MSI2: variants seen among roughly 807,000 people sequenced by gnomAD.
The protein encoded by MSI2 is RNA-binding protein Musashi homolog 2.
A neutral mutation model predicts 45.6 loss-of-function variants in MSI2; 17 were observed. The ratio of observed to expected loss-of-function variants is 0.37; its 90% CI spans 0.26 to 0.56. The LOEUF (loss-of-function observed/expected upper bound fraction) is 0.56, where lower values mean the gene tolerates loss of function less well. Ranked by LOEUF, MSI2 falls within the 20% of genes least tolerant of loss-of-function variation. The pLI, the probability that MSI2 is intolerant of heterozygous loss-of-function variation, is 0.77. For synonymous variants in MSI2, 156 were observed against 158.2 expected (o/e 0.99, Z 0.11); for missense variants, 293 against 444.2 (o/e 0.66, Z 3.06).
intron 6 of MSI2, among the ~76,000 whole-genome samples, chr17:57,523,836 ACTGT>A (rs1430664750): frequency 6.6e-5 from 10 of 152,020 alleles, no homozygotes; most frequent in African/African-American, 1.9e-4. Flanking sequence ...ATTATTTTAG[ACTGT>A]CTATCTTCTG....
chr17:57,578,197 C>A (rs750848344), intron 7 of MSI2, among the ~76,000 whole-genome samples: 8 of 151,656 alleles, frequency 5.3e-5, no homozygotes, highest in Non-Finnish European at 1.0e-4. Flanking sequence ...TGAGTTGATT[C>A]TCTGCTGGTG....
chr17:57,365,231 T>C (rs1917108279), intron 5 of MSI2, among the ~76,000 whole-genome samples: 1 of 152,220 alleles, frequency 6.6e-6, no homozygotes, highest in African/African-American at 2.4e-5. Context: ...TGAGGCACAA[T>C]GGTTTTTTAT....
rs549681770 is a variant in MSI2 at position 57,612,454 on chromosome 17, G to C, written c.538-3516G>C. ...GAGGCCTTCAGGGCAGGCAGGCCAG[G>C]TTCCCTGCTGTTAACTGTTACCTGC... On this transcript the variant is annotated intron_variant, in intron 8 of 13. Transcript: ENST00000284073. 1.4e-4 allele frequency among the ~76,000 whole-genome samples: 14 copies of C among 98,106 alleles called. 3 individuals are homozygous for C. Among genetic ancestry groups the C allele is most frequent in the African/African-American group, 4.4e-4 (14 of 31,612 alleles). 64.4% of individuals were successfully genotyped at this position (98,106 alleles called of 152,430 possible).
At chr17:57,293,592 T>TTTG (rs957549923) in intron 5 of MSI2, among the ~76,000 whole-genome samples, 10 of 57,016 alleles carry the variant, frequency 1.8e-4, no homozygotes, top group Non-Finnish European at 3.8e-4. Flanking sequence ...TTATTGTTTT[T>TTTG]TTGTTTTTTT....
chr17:57,521,037 C>T (rs1687910149), intron 6 of MSI2, among the ~76,000 whole-genome samples: 1 of 152,160 alleles, frequency 6.6e-6, no homozygotes, highest in African/African-American at 2.4e-5. Flanking sequence ...TTAAAATAAA[C>T]AGGCTTTCAG....
At chr17:57,261,469 C>T (rs1907303433) in intron 4 of MSI2, among the ~76,000 whole-genome samples, 2 of 151,904 alleles carry the variant, frequency 1.3e-5, no homozygotes, top group African/African-American at 2.4e-5. Context: ...GGATTTAGCT[C>T]ACATGCTTCA....
At chr17:57,371,431 C>T (rs887868736) in intron 5 of MSI2, among the ~76,000 whole-genome samples, 2 of 151,986 alleles carry the variant, frequency 1.3e-5, no homozygotes, top group Non-Finnish European at 2.9e-5. Context: ...GTAAAAATCC[C>T]CCCAACGCCA....
At chr17:57,628,729 C>G (rs1909049684) in intron 10 of MSI2, 1 of 152,678 alleles carries the variant, frequency 6.5e-6, no homozygotes, top group Non-Finnish European at 1.5e-5. Flanking sequence ...ACCAGTGTCC[C>G]CTGGGGCTGG....
intron 10 of MSI2, among the ~76,000 whole-genome samples, chr17:57,648,259 C>G (rs1336183010): frequency 6.6e-6 from 1 of 151,944 alleles, no homozygotes; most frequent in Non-Finnish European, 1.5e-5. Flanking sequence ...CCACCTTGGC[C>G]TCCCAAAGTG....
Position 57,407,894 on chromosome 17 carries a change from A to T in MSI2, c.405+6423A>T, listed in dbSNP as rs928834969. On this transcript the variant is annotated intron_variant, in intron 6 of 13. Coordinates refer to ENST00000284073, the MANE Select transcript of MSI2 (RefSeq NM_138962.4). The surrounding 1 kb of genome is among the most constrained non-coding windows in gnomAD (Gnocchi z 4.1). ...TGGAAGTGTGTCATAAGGGGAGGGG[A>T]CTTTATTTGCCCCCTGACCCCTGGC... Among the ~76,000 whole-genome samples the T allele has an allele frequency of 6.6e-6, 1 of 152,014 alleles. No homozygotes were observed. Among genetic ancestry groups the T allele is most frequent in the African/African-American group, 2.4e-5 (1 of 41,386 alleles).
In MSI2 at chr17:57,675,203, A is replaced by C. The variant is rs1913139096; in HGVS notation, c.945+77A>C. 7.6e-6 allele frequency: 11 copies of C among 1,437,994 alleles called. No individual in the cohort carries two copies. The South Asian group carries it at 1.3e-4, about 17-fold the overall frequency. 89.1% of individuals were successfully genotyped at this position (1,437,994 alleles called of 1,614,324 possible). A position where few individuals can be genotyped will look rare whatever the true frequency, so the allele number is the denominator to read the frequency against. On this transcript the variant is annotated intron_variant, in intron 12 of 13. Transcript: ENST00000284073. ...CTTGTGGCCTGTGGGTGTGCCAGGA[A>C]AGCCCAACATCGGGGGCAGAGGAGA...
intron 7 of MSI2, among the ~76,000 whole-genome samples, chr17:57,585,889 C>T (rs2088333095): frequency 6.6e-6 from 1 of 152,270 alleles, no homozygotes; most frequent in Admixed American, 6.5e-5. Flanking sequence ...GCTCCAGCTG[C>T]GCACACGACC....
intron 11 of MSI2, among the ~76,000 whole-genome samples, chr17:57,670,920 C>T (rs1015838146): frequency 6.6e-6 from 1 of 152,164 alleles, no homozygotes; most frequent in African/African-American, 2.4e-5. Context: ...ATAAGGAAAG[C>T]ATCACTCACT....
At chr17:57,544,694 A>G (rs2087125190) in intron 7 of MSI2, among the ~76,000 whole-genome samples, 1 of 152,198 alleles carries the variant, frequency 6.6e-6, no homozygotes, top group Admixed American at 6.5e-5. Flanking sequence ...GACAATATAT[A>G]TGCCTTCTAA....
At chr17:57,700,137 G>T in the MSI2 span, among the ~76,000 whole-genome samples, 6 of 152,202 alleles carry the variant, frequency 3.9e-5, no homozygotes, top group Non-Finnish European at 7.3e-5. Context: ...CATTTGGCTG[G>T]ATGGGACTCT....
intron 7 of MSI2, among the ~76,000 whole-genome samples, chr17:57,580,915 C>A (rs1019527933): frequency 6.1e-5 from 9 of 146,362 alleles, no homozygotes; most frequent in African/African-American, 1.8e-4. Flanking sequence ...GGTATAAAAT[C>A]TTTATATAAA....
chr17:57,688,801 G>A (rs1289872800), downstream of MSI2, among the ~76,000 whole-genome samples: 1 of 152,146 alleles, frequency 6.6e-6, no homozygotes, highest in Non-Finnish European at 1.5e-5. Context: ...AGACAAGTGG[G>A]AGAGGGGGAT....
chr17:57,575,154 C>A lies in MSI2; in HGVS notation c.455-21714C>A, dbSNP rs370583298. On this transcript the variant is annotated intron_variant, in intron 7 of 13. Coordinates refer to ENST00000284073, the MANE Select transcript of MSI2 (RefSeq NM_138962.4). ...CGCATTCTCTTTTTTAACTCCCTCC[C>A]CCCGCCACCCCCCGGCTGGAGCAGA... 1.3e-3 allele frequency among the ~76,000 whole-genome samples: 173 copies of A among 135,928 alleles called. 3 individuals carry two copies. The highest frequency in any genetic ancestry group is 5.0e-3 in the African/African-American group (163 of 32,614). 89.2% of individuals were successfully genotyped at this position (135,928 alleles called of 152,430 possible).
chr17:57,385,207 C>T (rs1419888631), intron 5 of MSI2, among the ~76,000 whole-genome samples: 1 of 152,162 alleles, frequency 6.6e-6, no homozygotes, highest in Non-Finnish European at 1.5e-5. Context: ...ATGTTATTCC[C>T]CAGCTTAAAA....
Sources: gnomAD v4.1 joint callset for allele counts (sites outside exome capture counted in the v4.1 genomes callset) on GRCh38, gnomAD v4.1.1 for gene constraint, Gnocchi (gnomAD v3.1) non-coding constraint, MANE v1.5 for transcripts, NCBI Gene and HGNC (gene_info 2026-07-23, HGNC 2026-07-21) for gene names.